HOMER2: variants seen among roughly 807,000 people sequenced by gnomAD.
HOMER2 encodes homer scaffold protein 2, also known as homer protein homolog 2.
A neutral mutation model predicts 47.0 loss-of-function variants in HOMER2; 27 were observed. The observed-to-expected ratio is 0.57, with a 90% confidence interval of 0.42 to 0.79. The LOEUF (loss-of-function observed/expected upper bound fraction) is 0.79. Among genes scored for constraint, HOMER2 ranks in the 30% least tolerant of loss-of-function variants. HOMER2 has a pLI of 0.00. For synonymous variants in HOMER2, 161 were observed against 163.8 expected, an observed-to-expected ratio of 0.98 and a Z score of 0.13; for missense variants, 443 against 435.0, an observed-to-expected ratio of 1.02 and a Z score of -0.16.
upstream of HOMER2, among the ~76,000 whole-genome samples, chr15:82,953,777 G>A (rs1039299011): frequency 2.0e-5 from 3 of 152,116 alleles, no homozygotes; most frequent in East Asian, 3.8e-4. Flanking sequence ...CAGCTACTCC[G>A]GAGGCTGACG....
intron 1 of HOMER2, among the ~76,000 whole-genome samples, chr15:82,903,181 C>A (rs139064800): frequency 4.9e-4 from 75 of 152,266 alleles, no homozygotes; most frequent in African/African-American, 1.6e-3. Context: ...ATCATCCAGG[C>A]ACCTGGAGAT....
chr15:82,859,169 C>G, intron 4 of HOMER2, 34 bp from the exon 5 acceptor site: 1 of 1,613,776 alleles, frequency 6.2e-7, no homozygotes, highest in African/African-American at 1.3e-5. Flanking sequence ...GCCCAGATTC[C>G]TGGCCAAAGT....
At chr15:82,895,677 G>A (rs1031367984) in intron 1 of HOMER2, among the ~76,000 whole-genome samples, 2 of 152,166 alleles carry the variant, frequency 1.3e-5, no homozygotes, top group African/African-American at 2.4e-5. Flanking sequence ...GGTTAGAGAA[G>A]GCCTTTCTGG....
At chr15:82,850,366 C>A (rs1343368727) in intron 8 of HOMER2, among the ~76,000 whole-genome samples, 1 of 152,198 alleles carries the variant, frequency 6.6e-6, no homozygotes, top group Non-Finnish European at 1.5e-5. Flanking sequence ...CAGCCTCTGG[C>A]CCTCAGAGAG....
intron 1 of HOMER2, among the ~76,000 whole-genome samples, chr15:82,936,010 C>A (rs2054134674): frequency 1.3e-5 from 2 of 152,232 alleles, no homozygotes; most frequent in Non-Finnish European, 1.5e-5. Flanking sequence ...AACCGCCAGT[C>A]CATGCCTCAG....
intron 1 of HOMER2, among the ~76,000 whole-genome samples, chr15:82,975,126 T>G (rs541105013): frequency 6.6e-6 from 1 of 152,172 alleles, no homozygotes; most frequent in Non-Finnish European, 1.5e-5. Context: ...TCAACATCAC[T>G]GATCACCAGA....
chr15:82,847,636 A>G (rs1416403618), downstream of HOMER2, among the ~76,000 whole-genome samples: 2 of 152,216 alleles, frequency 1.3e-5, no homozygotes, highest in Non-Finnish European at 2.9e-5. Context: ...TAACTATTCT[A>G]TGCATGTCAC....
intron 5 of HOMER2, among the ~76,000 whole-genome samples, chr15:82,858,727 T>A (rs534787619): frequency 6.6e-6 from 1 of 152,064 alleles, no homozygotes; most frequent in South Asian, 2.1e-4. Context: ...TCACACACAC[T>A]CTGACACTAC....
chr15:82,929,042 G>C (rs997808889), intron 1 of HOMER2, among the ~76,000 whole-genome samples: 6 of 149,864 alleles, frequency 4.0e-5, no homozygotes, highest in African/African-American at 1.5e-4. Flanking sequence ...AAAAGATTCT[G>C]ATTCAAGGCC....
chr15:82,903,913 G>A (rs2053209548), intron 1 of HOMER2, among the ~76,000 whole-genome samples: 1 of 152,212 alleles, frequency 6.6e-6, no homozygotes, highest in Non-Finnish European at 1.5e-5. Context: ...AAGGCGGGCA[G>A]ATCAGTTGAC....
At chr15:82,973,627 T>C (rs973057947) in intron 1 of HOMER2, among the ~76,000 whole-genome samples, 3 of 152,214 alleles carry the variant, frequency 2.0e-5, no homozygotes, top group Non-Finnish European at 4.4e-5. Flanking sequence ...TGGAAAACAG[T>C]GCAACTGTTT....
At chr15:82,874,597 T>G (rs1002059440) in intron 3 of HOMER2, among the ~76,000 whole-genome samples, 1 of 152,108 alleles carries the variant, frequency 6.6e-6, no homozygotes, top group South Asian at 2.1e-4. Flanking sequence ...CTTGGAGAAG[T>G]GACTTGGAGC....
chr15:82,900,322 C>T (rs1417454775), intron 1 of HOMER2, among the ~76,000 whole-genome samples: 1 of 151,934 alleles, frequency 6.6e-6, no homozygotes, highest in African/African-American at 2.4e-5. Context: ...TAAATAAATA[C>T]AGTAAGAACA....
In HOMER2 at chr15:82,913,632, G is replaced by A. The variant is rs2053505282; in HGVS notation, c.6-20791C>T. On this transcript the variant is annotated intron_variant, in intron 1 of 8. Transcript: ENST00000450735. This position sits in a 1 kb window ranked among gnomAD's most constrained non-coding sequence, Gnocchi z 4.1. ...CTGCTTAGAAGAGTAAACTATTGAC[G>A]GTAGACAGCAGATCACACAGTCAAG... is the stretch of plus-strand genomic sequence containing the variant. 6.6e-6 allele frequency among the ~76,000 whole-genome samples: 1 copy of A among 152,122 alleles called. No individual in the cohort carries two copies. The highest frequency in any genetic ancestry group is 2.4e-5 in the African/African-American group (1 of 41,424).
At chr15:82,971,065 A>T (rs896991499) in intron 1 of HOMER2, among the ~76,000 whole-genome samples, 3 of 152,250 alleles carry the variant, frequency 2.0e-5, no homozygotes, top group Non-Finnish European at 4.4e-5. Flanking sequence ...AAAACAGTCC[A>T]TTCAAAGGGA....
intron 1 of HOMER2, among the ~76,000 whole-genome samples, chr15:82,940,380 G>C (rs1439744820): frequency 6.6e-6 from 1 of 152,164 alleles, no homozygotes; most frequent in African/African-American, 2.4e-5. Context: ...CAAGGCGGGA[G>C]GATTGCTCAG....
At chr15:82,852,316 T>A in intron 6 of HOMER2, 64 bp from the exon 7 acceptor site, 1 of 1,081,976 alleles carries the variant, frequency 9.2e-7, no homozygotes, top group Non-Finnish European at 1.4e-6. Context: ...AAGCAAGAGA[T>A]CACCACAGCT....
chr15:82,938,121 C>T (rs1015129546), intron 1 of HOMER2, among the ~76,000 whole-genome samples: 14 of 152,258 alleles, frequency 9.2e-5, no homozygotes, highest in African/African-American at 3.4e-4. Context: ...CCTGTAATCC[C>T]AGCACTTTGG....
intron 8 of HOMER2, 29 bp from the exon 9 acceptor site, chr15:82,849,932 G>C (rs2051337359): frequency 6.2e-7 from 1 of 1,603,874 alleles, no homozygotes. Context: ...GAAGGGTCTA[G>C]AAAACTGAGT....
Sources: allele counts gnomAD v4.1 joint callset (sites outside exome capture counted in the v4.1 genomes callset), GRCh38; gene constraint gnomAD v4.1.1; non-coding constraint Gnocchi (gnomAD v3.1); transcripts MANE v1.5; gene names NCBI Gene and HGNC (gene_info 2026-07-23, HGNC 2026-07-21).